HMGCLL1: variants seen among roughly 807,000 people sequenced by gnomAD.
The protein encoded by HMGCLL1 is 3-hydroxy-3-methylglutaryl-CoA lyase like 1, also known as 3-hydroxymethyl-3-methylglutaryl-CoA lyase, cytoplasmic.
In HMGCLL1, 36 loss-of-function variants were observed where a neutral mutation model predicts 39.1. The ratio of observed to expected loss-of-function variants is 0.92; its 90% CI spans 0.71 to 1.22. The LOEUF (loss-of-function observed/expected upper bound fraction) is 1.22. HMGCLL1 is among the 50% of genes most tolerant of loss of function. The pLI is 0.00. For synonymous variants in HMGCLL1, 149 were observed against 144.0 expected, an observed-to-expected ratio of 1.03 and a Z score of -0.25; for missense variants, 451 against 416.5, an observed-to-expected ratio of 1.08 and a Z score of -0.72.
chr6:55,590,105 G>A, the HMGCLL1 span, among the ~76,000 whole-genome samples: 1 of 151,898 alleles, frequency 6.6e-6, no homozygotes, highest in Admixed American at 6.6e-5. Context: ...GTCAATCCTA[G>A]GCCAAAAGAA....
At chr6:55,533,579 C>A (rs972047305) in intron 3 of HMGCLL1, among the ~76,000 whole-genome samples, 4 of 152,078 alleles carry the variant, frequency 2.6e-5, no homozygotes, top group African/African-American at 9.6e-5. Flanking sequence ...GTATTCCAGA[C>A]GTGTCATAGA....
At chr6:55,623,033 C>A in the HMGCLL1 span, among the ~76,000 whole-genome samples, 1 of 151,826 alleles carries the variant, frequency 6.6e-6, no homozygotes, top group Non-Finnish European at 1.5e-5. Flanking sequence ...TCTAGGATTT[C>A]CAATTTATTG....
intron 7 of HMGCLL1, among the ~76,000 whole-genome samples, chr6:55,483,775 T>G (rs915129662): frequency 6.6e-6 from 1 of 152,206 alleles, no homozygotes; most frequent in African/African-American, 2.4e-5. Context: ...GCTACAATTA[T>G]GTCATTTTTT....
At chr6:55,588,671 A>G in the HMGCLL1 span, among the ~76,000 whole-genome samples, 2 of 152,306 alleles carry the variant, frequency 1.3e-5, no homozygotes, top group East Asian at 3.9e-4. Context: ...AGACTAATAA[A>G]GAAGAAAAGA....
chr6:55,501,610 T>C (rs1188128971), intron 5 of HMGCLL1, among the ~76,000 whole-genome samples: 1 of 151,886 alleles, frequency 6.6e-6, no homozygotes, highest in African/African-American at 2.4e-5. Context: ...TCTATTACAG[T>C]GGTTCTCAAC....
intron 1 of HMGCLL1, among the ~76,000 whole-genome samples, chr6:55,555,916 G>T (rs1370108553): frequency 6.6e-6 from 1 of 152,102 alleles, no homozygotes; most frequent in African/African-American, 2.4e-5. Flanking sequence ...TTCTGTTGTG[G>T]GGGTTCTTTT....
chr6:55,576,727 C>A (rs926727262), intron 1 of HMGCLL1, among the ~76,000 whole-genome samples: 5 of 152,098 alleles, frequency 3.3e-5, no homozygotes, highest in Admixed American at 3.3e-4. Context: ...CTCAGTGATA[C>A]TTTGGGTGTG....
chr6:55,438,543 G>A (rs1422530874), intron 8 of HMGCLL1, among the ~76,000 whole-genome samples: 2 of 152,024 alleles, frequency 1.3e-5, no homozygotes, highest in African/African-American at 4.8e-5. Context: ...GGATGGTGGT[G>A]TCTTACTTTC....
At chr6:55,508,526 T>A (rs1767279204) in intron 5 of HMGCLL1, among the ~76,000 whole-genome samples, 1 of 151,758 alleles carries the variant, frequency 6.6e-6, no homozygotes, top group South Asian at 2.1e-4. Flanking sequence ...TGAATAGTGT[T>A]TCTAAATAAA....
chr6:55,608,144 C>T, the HMGCLL1 span, among the ~76,000 whole-genome samples: 1 of 152,152 alleles, frequency 6.6e-6, no homozygotes, highest in Non-Finnish European at 1.5e-5. Flanking sequence ...TATAGTTTAT[C>T]CCACTCTACA....
intron 1 of HMGCLL1, among the ~76,000 whole-genome samples, chr6:55,543,174 A>AATATATC: frequency 1.0e-4 from 1 of 9,538 alleles, no homozygotes; most frequent in African/African-American, 2.3e-4. Flanking sequence ...TATAATATAT[A>AATATATC]ATATATAATA....
intron 7 of HMGCLL1, among the ~76,000 whole-genome samples, chr6:55,457,301 G>A (rs1203881621): frequency 2.6e-5 from 4 of 152,058 alleles, no homozygotes; most frequent in Non-Finnish European, 5.9e-5. Flanking sequence ...AGAAAGTTCT[G>A]GATCTCATTA....
the HMGCLL1 span, among the ~76,000 whole-genome samples, chr6:55,606,565 T>A: frequency 4.7e-3 from 711 of 152,176 alleles, 4 homozygotes; most frequent in African/African-American, 0.015. Context: ...ATAGTTTTTT[T>A]AAAAATTTAT....
chr6:55,439,376 T>A (rs191297282), intron 8 of HMGCLL1, 58 bp downstream of exon 8: 1 of 1,536,944 alleles, frequency 6.5e-7, no homozygotes, highest in Admixed American at 1.8e-5. Flanking sequence ...TCTTAGAAGC[T>A]TTGCAATTTG....
At chr6:55,613,726 A>G in the HMGCLL1 span, among the ~76,000 whole-genome samples, 1 of 152,132 alleles carries the variant, frequency 6.6e-6, no homozygotes, top group Non-Finnish European at 1.5e-5. Context: ...GAACCAAACA[A>G]TGACAACCCA....
the HMGCLL1 span, among the ~76,000 whole-genome samples, chr6:55,636,512 C>T: frequency 1.3e-5 from 2 of 152,142 alleles, no homozygotes; most frequent in Admixed American, 6.6e-5. Context: ...GACTCACAAC[C>T]TAAATCTTTT....
chr6:55,500,617 TA>T (rs1766830049), intron 5 of HMGCLL1, among the ~76,000 whole-genome samples: 2 of 151,870 alleles, frequency 1.3e-5, no homozygotes, highest in African/African-American at 2.4e-5. Context: ...TAGAAAAGGA[TA>T]AAAGAGGATA....
chr6:55,497,577 C>G (rs1290997529), intron 6 of HMGCLL1, among the ~76,000 whole-genome samples: 1 of 152,044 alleles, frequency 6.6e-6, no homozygotes, highest in Non-Finnish European at 1.5e-5. Context: ...TTAGTCAACC[C>G]TACTGAGGAA....
chr6:55,606,065 G>T, the HMGCLL1 span, among the ~76,000 whole-genome samples: 1 of 152,218 alleles, frequency 6.6e-6, no homozygotes, highest in East Asian at 1.9e-4. Flanking sequence ...CCAGTACAAA[G>T]ATCATTCTCC....
Sources: gnomAD v4.1 joint callset for allele counts (sites outside exome capture counted in the v4.1 genomes callset) on GRCh38, gnomAD v4.1.1 for gene constraint, MANE v1.5 for transcripts, NCBI Gene and HGNC (gene_info 2026-07-23, HGNC 2026-07-21) for gene names.